Variants in IGSF21 observed in about 807,000 individuals in gnomAD.
IGSF21 encodes the protein immunoglobin superfamily member 21, also known as immunoglobulin superfamily member 21.
In IGSF21, 28 loss-of-function variants were observed where a neutral mutation model predicts 46.8. The observed-to-expected ratio is 0.60, with a 90% confidence interval of 0.44 to 0.82. The LOEUF (loss-of-function observed/expected upper bound fraction) is 0.82, where lower values mean the gene tolerates loss of function less well. IGSF21 is among the 40% of genes least tolerant of loss of function. The pLI is 0.00. For missense variants in IGSF21, 624 were observed against 665.5 expected (o/e 0.94, Z 0.69); for synonymous variants, 284 against 273.6 (o/e 1.04, Z -0.38).
At chr1:18,152,822 C>A (rs889889420) in intron 1 of IGSF21, among the ~76,000 whole-genome samples, 7 of 152,132 alleles carry the variant, frequency 4.6e-5, no homozygotes, top group Non-Finnish European at 8.8e-5. Flanking sequence ...ACGTAGGGTT[C>A]CATGATCTGG....
chr1:18,358,402 T>C (rs2086047614), intron 4 of IGSF21, among the ~76,000 whole-genome samples: 1 of 152,222 alleles, frequency 6.6e-6, no homozygotes, highest in South Asian at 2.1e-4. Context: ...ATGTTATCAA[T>C]ATATCTTACG....
intron 3 of IGSF21, among the ~76,000 whole-genome samples, chr1:18,324,756 A>G (rs1342791157): frequency 6.6e-6 from 1 of 152,056 alleles, no homozygotes; most frequent in African/African-American, 2.4e-5. Context: ...GTGCTGTCCA[A>G]TGGCCCCACC....
At chr1:18,180,305 C>A (rs928280813) in intron 1 of IGSF21, among the ~76,000 whole-genome samples, 2 of 151,932 alleles carry the variant, frequency 1.3e-5, no homozygotes. Flanking sequence ...GCTCAAAAAA[C>A]CCTGAATGAA....
intron 2 of IGSF21, among the ~76,000 whole-genome samples, chr1:18,244,482 G>A (rs756699429): frequency 2.0e-5 from 3 of 152,238 alleles, no homozygotes; most frequent in African/African-American, 4.8e-5. Flanking sequence ...TGAAGGAAAG[G>A]CAACCCAGTC....
intron 4 of IGSF21, 98 bp from the exon 5 acceptor site, chr1:18,362,017 G>A (rs925111731): frequency 9.4e-5 from 53 of 564,360 alleles, no homozygotes; most frequent in African/African-American, 1.7e-4. Context: ...CCCCACCCCC[G>A]GCACCCAGCA....
intron 4 of IGSF21, among the ~76,000 whole-genome samples, chr1:18,346,339 C>A (rs1258199502): frequency 2.0e-5 from 3 of 152,082 alleles, no homozygotes; most frequent in Admixed American, 2.0e-4. Flanking sequence ...CTTCTGGAAA[C>A]TGAAGGTAAT....
rs369322979 is a variant in IGSF21, at chr1:18,244,758, A to AT, written c.183+16756dup. 1.6e-3 allele frequency among the ~76,000 whole-genome samples: 248 copies of AT among 152,122 alleles called. 1 individual carries two copies. The highest frequency in any genetic ancestry group is 4.9e-3 in the African/African-American group (205 of 41,494). The stretch of plus-strand genomic sequence containing the variant: ...TACTGACACTTATCAGTGCTAATAG[A>AT]TTTTTTTTATTTTGATCTTTTGCAT... On this transcript the variant is annotated intron_variant, in intron 2 of 9. Transcript: ENST00000251296.
chr1:18,324,780 G>GTGTGTCCCTAC (rs1553163735), intron 3 of IGSF21, among the ~76,000 whole-genome samples: 3 of 152,162 alleles, frequency 2.0e-5, no homozygotes, highest in Non-Finnish European at 4.4e-5. Context: ...CCCGGAGGAA[G>GTGTGTCCCTAC]TGTGTCCCTA....
At chr1:18,263,134 G>A (rs193172754) in intron 2 of IGSF21, among the ~76,000 whole-genome samples, 17 of 152,306 alleles carry the variant, frequency 1.1e-4, no homozygotes, top group African/African-American at 3.6e-4. Context: ...TGGAAAATAC[G>A]GAGGGCCACT....
intron 5 of IGSF21, among the ~76,000 whole-genome samples, chr1:18,362,463 A>T (rs912935222): frequency 3.3e-5 from 5 of 152,152 alleles, no homozygotes; most frequent in African/African-American, 4.8e-5. Flanking sequence ...TCTCCTGGAG[A>T]CAAAGTACTA....
intron 2 of IGSF21, among the ~76,000 whole-genome samples, chr1:18,291,084 TA>T (rs2085261398): frequency 6.6e-6 from 1 of 152,192 alleles, no homozygotes; most frequent in Admixed American, 6.5e-5. Context: ...ACACTTTCAT[TA>T]GCTGGAGGCA....
intron 1 of IGSF21, among the ~76,000 whole-genome samples, chr1:18,208,271 C>G (rs1024997341): frequency 6.6e-6 from 1 of 150,690 alleles, no homozygotes; most frequent in African/African-American, 2.4e-5. Flanking sequence ...TTCAGTTCCC[C>G]TGGGAAGGAA....
At chr1:18,311,734 C>A (rs558973809) in intron 3 of IGSF21, among the ~76,000 whole-genome samples, 2 of 152,286 alleles carry the variant, frequency 1.3e-5, no homozygotes, top group Admixed American at 1.3e-4. Context: ...TACATGGTGG[C>A]AGACAAGAGA....
At chr1:18,190,824 C>T (rs894451385) in intron 1 of IGSF21, among the ~76,000 whole-genome samples, 2 of 152,180 alleles carry the variant, frequency 1.3e-5, no homozygotes, top group Non-Finnish European at 1.5e-5. Context: ...AGTGCTTTCT[C>T]GGCTGGGCCT....
At chr1:18,359,884 G>A (rs2086081243) in intron 4 of IGSF21, among the ~76,000 whole-genome samples, 1 of 152,152 alleles carries the variant, frequency 6.6e-6, no homozygotes, top group South Asian at 2.1e-4. Flanking sequence ...TCTTCCCAAA[G>A]GTCGAGGTGG....
At chr1:18,376,583 A>G (rs573062264) in intron 7 of IGSF21, among the ~76,000 whole-genome samples, 188 bp downstream of exon 7, 13 of 152,316 alleles carry the variant, frequency 8.5e-5, no homozygotes, top group East Asian at 1.9e-4. Flanking sequence ...AGGTGCATGC[A>G]TGTTTCACAC....
chr1:18,376,695 G>A (rs980508898), intron 7 of IGSF21, 105 bp from the exon 8 acceptor site: 31 of 1,111,356 alleles, frequency 2.8e-5, no homozygotes, highest in Admixed American at 9.1e-5. Context: ...CTAACCCGTC[G>A]GATGAGAATG....
chr1:18,211,154 G>A (rs373748751), intron 1 of IGSF21, among the ~76,000 whole-genome samples: 192 of 152,330 alleles, frequency 1.3e-3, no homozygotes, highest in African/African-American at 4.5e-3. Flanking sequence ...TTACAGGCAT[G>A]AGCCACTGTG....
At position 18,235,977 on chromosome 1, in the gene IGSF21, A is replaced by T. The variant is rs186875065; in HGVS notation, c.183+7967A>T. The stretch of plus-strand genomic sequence containing the variant: ...GCAGGTAGAAGTTAAGGGCTTGCTA[A>T]CATGTGGAAGGGATGAGAGAAGGGG... On this transcript the variant is annotated intron_variant, in intron 2 of 9. Coordinates refer to ENST00000251296, the MANE Select transcript of IGSF21 (RefSeq NM_032880.5). Among the ~76,000 whole-genome samples, 950 of 152,270 alleles carry T rather than the reference A, an allele frequency of 6.2e-3. 4 individuals are homozygous for T. The highest frequency in any genetic ancestry group is 0.01 in the Non-Finnish European group (684 of 68,008).
Sources: allele counts gnomAD v4.1 joint callset (sites outside exome capture counted in the v4.1 genomes callset), GRCh38; gene constraint gnomAD v4.1.1; transcripts MANE v1.5; gene names NCBI Gene and HGNC (gene_info 2026-07-23, HGNC 2026-07-21).